The following PRKG2 variants were observed in gnomAD, a reference collection of about 807,000 sequenced individuals.
The protein encoded by PRKG2 is cGMP-dependent protein kinase 2.
Under a neutral mutation model 97.2 loss-of-function variants are expected in PRKG2, and 33 were observed. The observed-to-expected ratio is 0.34, with a 90% CI of 0.26 to 0.45. The LOEUF (loss-of-function observed/expected upper bound fraction) is 0.45, where lower values mean the gene tolerates loss of function less well. Ranked by LOEUF, PRKG2 falls within the 20% of genes least tolerant of loss-of-function variation. The pLI is 1.00. For synonymous variants in PRKG2, 330 were observed against 321.8 expected (o/e 1.03, Z -0.27); for missense variants, 638 against 900.0 (o/e 0.71, Z 3.73).
chr4:81,112,470 T>G (rs1219396118), intron 14 of PRKG2, among the ~76,000 whole-genome samples: 1 of 152,228 alleles, frequency 6.6e-6, no homozygotes, highest in Non-Finnish European at 1.5e-5. Context: ...AACAGACTTT[T>G]GACGCATTTC....
At chr4:81,135,751 A>G (rs1030959553) in intron 13 of PRKG2, among the ~76,000 whole-genome samples, 4 of 152,032 alleles carry the variant, frequency 2.6e-5, no homozygotes, top group African/African-American at 7.2e-5. Flanking sequence ...AAATGGAATC[A>G]TAAGTCTTTT....
At chr4:81,138,435 C>T (rs1746933200) in intron 12 of PRKG2, among the ~76,000 whole-genome samples, 1 of 152,080 alleles carries the variant, frequency 6.6e-6, no homozygotes, top group South Asian at 2.1e-4. Context: ...AACCAAGCTG[C>T]CAAGGCTTGA....
chr4:81,135,186 A>T lies in PRKG2; in HGVS notation c.1745T>A (p.Leu582Ter), dbSNP rs1746557127. The change falls in exon 14 of 19, where the codon TTA becomes TAA. Residue 582 changes from leucine to a stop codon, truncating the protein, a stop_gained. Coordinates refer to ENST00000264399, the MANE Select transcript of PRKG2 (RefSeq NM_006259.3). LOFTEE classifies it high-confidence loss of function. ...IIYRDLKPEN[L>*]ILDAEGYLKL... ...AAGGTAACCCTCAGCATCTAGAATT[A>T]AGTTTTCTGGTTTCAAGTCTCTGTA... The T allele has an allele frequency of 1.2e-6, 2 of 1,610,434 alleles. No homozygotes were observed. Among genetic ancestry groups the T allele is most frequent in the Non-Finnish European group, 1.7e-6 (2 of 1,177,952 alleles).
chr4:81,206,330 G>A (rs185953196), intron 1 of PRKG2, among the ~76,000 whole-genome samples: 2 of 152,270 alleles, frequency 1.3e-5, no homozygotes, highest in African/African-American at 4.8e-5. Flanking sequence ...TGTTGTGGGA[G>A]GGACCCAATG....
Position 81,188,931 on chromosome 4 carries a change from C to T in PRKG2, c.462-13972G>A, listed in dbSNP as rs1392958135. Among the ~76,000 whole-genome samples the T allele has an allele frequency of 2.6e-4, 20 of 76,216 alleles. 2 individuals are homozygous for T. The South Asian group carries it at 5.2e-3, about 20-fold the overall frequency. 50.0% of individuals were successfully genotyped at this position (76,216 alleles called of 152,430 possible). A position where few individuals can be genotyped will look rare whatever the true frequency, so the allele number is the denominator to read the frequency against. On this transcript the variant is annotated intron_variant, in intron 2 of 18. Coordinates refer to ENST00000264399, the MANE Select transcript of PRKG2 (RefSeq NM_006259.3). ...GAGATATACCTAATGCTAGATGACA[C>T]GTTAGTGGGTGCAGCGCACCAGCAT...
intron 2 of PRKG2, among the ~76,000 whole-genome samples, chr4:81,182,656 G>T (rs1310557728): frequency 6.6e-6 from 1 of 151,936 alleles, no homozygotes; most frequent in Non-Finnish European, 1.5e-5. Flanking sequence ...AAATTCAAAA[G>T]AAAGTACAGG....
chr4:81,217,043 ATATATATATATGTG>A (rs1268935093), upstream of PRKG2, among the ~76,000 whole-genome samples: 632 of 142,020 alleles, frequency 4.5e-3, 25 homozygotes, highest in African/African-American at 0.016. Flanking sequence ...ATATATATAT[ATATATATATATGTG>A]TATATATATA....
chr4:81,163,777 C>T (rs1749759879), intron 6 of PRKG2, among the ~76,000 whole-genome samples: 1 of 151,626 alleles, frequency 6.6e-6, no homozygotes, highest in Non-Finnish European at 1.5e-5. Context: ...TACAAATCTT[C>T]TTTATAAGTA....
chr4:81,108,500 C>A (rs1470203079), intron 15 of PRKG2, among the ~76,000 whole-genome samples: 1 of 134,380 alleles, frequency 7.4e-6, no homozygotes, highest in African/African-American at 2.9e-5. Flanking sequence ...TTTTAATTTT[C>A]ATTTCCCTCC....
chr4:81,097,978 G>T (rs1742296696), intron 17 of PRKG2, among the ~76,000 whole-genome samples: 1 of 152,144 alleles, frequency 6.6e-6, no homozygotes, highest in African/African-American at 2.4e-5. Context: ...CATTGTGATG[G>T]TTAATAATGA....
chr4:81,152,357 T>C (rs898235843), intron 7 of PRKG2, among the ~76,000 whole-genome samples: 3 of 152,204 alleles, frequency 2.0e-5, no homozygotes, highest in Non-Finnish European at 4.4e-5. Context: ...TTCTGAGAGA[T>C]CCACAAAGCA....
chr4:81,185,518 A>G (rs1751800200), intron 2 of PRKG2, among the ~76,000 whole-genome samples: 1 of 152,220 alleles, frequency 6.6e-6, no homozygotes, highest in South Asian at 2.1e-4. Flanking sequence ...AGCCACTGCA[A>G]AAACATACCA....
chr4:81,127,229 T>G (rs954890489), intron 14 of PRKG2, among the ~76,000 whole-genome samples: 1 of 152,168 alleles, frequency 6.6e-6, no homozygotes. Context: ...GGTCTATATA[T>G]CTGTTTTGGG....
At chr4:81,145,460 A>C (rs1003104876) in intron 9 of PRKG2, among the ~76,000 whole-genome samples, 1 of 152,150 alleles carries the variant, frequency 6.6e-6, no homozygotes, top group African/African-American at 2.4e-5. Flanking sequence ...AATTAAATCC[A>C]AATCATTTTA....
At chr4:81,119,693 TA>T (rs1443809299) in intron 14 of PRKG2, among the ~76,000 whole-genome samples, 10 of 150,620 alleles carry the variant, frequency 6.6e-5, no homozygotes, top group African/African-American at 2.4e-4. Context: ...TTTTTTTTTT[TA>T]GGCGGAGTCT....
chr4:81,129,104 T>C (rs1745896467), intron 14 of PRKG2, among the ~76,000 whole-genome samples: 2 of 152,240 alleles, frequency 1.3e-5, no homozygotes, highest in Non-Finnish European at 1.5e-5. Flanking sequence ...GGTTGTTCAG[T>C]TGCCATGTAG....
chr4:81,105,706 A>G, intron 16 of PRKG2, 107 bp downstream of exon 16: 4 of 1,474,210 alleles, frequency 2.7e-6, no homozygotes, highest in African/African-American at 1.4e-5. Flanking sequence ...GCCTATATAA[A>G]AACAGCACAA....
At position 81,158,478 on chromosome 4, in the gene PRKG2, C is replaced by T. The variant is rs538167590; in HGVS notation, c.913-4757G>A. Among the ~76,000 whole-genome samples the T allele has an allele frequency of 4.0e-4, 58 of 145,322 alleles. 3 individuals carry two copies. Among genetic ancestry groups the T allele is most frequent in the African/African-American group, 1.5e-3 (54 of 34,842 alleles). Reference sequence around the variant, plus strand: ...ATACAAACAAATGGAACATTCCATGCTCATGGGTAGGAAGAATCAATATCG... The same window carrying T: ...ATACAAACAAATGGAACATTCCATGTTCATGGGTAGGAAGAATCAATATCG... On this transcript the variant is annotated intron_variant, in intron 6 of 18. Coordinates refer to ENST00000264399, the MANE Select transcript of PRKG2 (RefSeq NM_006259.3).
intron 6 of PRKG2, among the ~76,000 whole-genome samples, chr4:81,155,554 A>G (rs1327471170): frequency 6.6e-6 from 1 of 151,984 alleles, no homozygotes; most frequent in Non-Finnish European, 1.5e-5. Flanking sequence ...GCAGGCCAAC[A>G]TTCAGATTCA....
Sources: allele counts gnomAD v4.1 joint callset (sites outside exome capture counted in the v4.1 genomes callset), GRCh38; gene constraint gnomAD v4.1.1; transcripts MANE v1.5; gene names NCBI Gene and HGNC (gene_info 2026-07-23, HGNC 2026-07-21).